Variants in HACE1 observed in about 807,000 individuals in gnomAD.
HACE1 encodes the protein HECT domain and ankyrin repeat containing E3 ubiquitin protein ligase 1.
A neutral mutation model predicts 118.4 loss-of-function variants in HACE1; 73 were observed. That is an observed-to-expected ratio of 0.62 (90% confidence interval 0.51 to 0.75). HACE1 has a LOEUF of 0.75. HACE1 is among the 30% of genes least tolerant of loss of function. The pLI, the probability that HACE1 is intolerant of heterozygous loss-of-function variation, is 0.00. For synonymous variants in HACE1, 368 were observed against 374.8 expected (o/e 0.98, Z 0.21); for missense variants, 749 against 1,102.2 (o/e 0.68, Z 4.54).
At chr6:104,733,016 T>C (rs1435931531) in intron 22 of HACE1, among the ~76,000 whole-genome samples, 2 of 152,144 alleles carry the variant, frequency 1.3e-5, no homozygotes, top group East Asian at 1.9e-4. Flanking sequence ...TCCTTGTAAG[T>C]TGAAATAAAA....
At chr6:104,745,264 G>A (rs761156470) in intron 20 of HACE1, among the ~76,000 whole-genome samples, 13 of 151,920 alleles carry the variant, frequency 8.6e-5, no homozygotes, top group Non-Finnish European at 1.0e-4. Flanking sequence ...AATCTCAATC[G>A]TATAAGTAAA....
At chr6:104,784,247 C>T in intron 13 of HACE1, 74 bp from the exon 14 acceptor site, 3 of 914,552 alleles carry the variant, frequency 3.3e-6, no homozygotes, top group Non-Finnish European at 5.5e-6. Context: ...TTCAGATACA[C>T]TGACACTGAA....
chr6:104,773,010 A>G (rs1780808151), intron 17 of HACE1, among the ~76,000 whole-genome samples: 1 of 152,250 alleles, frequency 6.6e-6, no homozygotes, highest in East Asian at 1.9e-4. Flanking sequence ...TGGTAAATTT[A>G]TATGTGTATT....
At chr6:104,751,955 C>CAAAA (rs397935188) in intron 19 of HACE1, among the ~76,000 whole-genome samples, 3,602 of 125,148 alleles carry the variant, frequency 0.029, 160 homozygotes, top group African/African-American at 0.096. Flanking sequence ...AAAAACCAAA[C>CAAAA]AAAAAAAAAA....
At chr6:104,757,824 A>G (rs1778893008) in intron 19 of HACE1, among the ~76,000 whole-genome samples, 1 of 152,234 alleles carries the variant, frequency 6.6e-6, no homozygotes, top group Admixed American at 6.5e-5. Context: ...ATGGCTAACT[A>G]GAATAACCAG....
chr6:104,776,047 T>C (rs1476687621), intron 17 of HACE1, among the ~76,000 whole-genome samples: 1 of 152,200 alleles, frequency 6.6e-6, no homozygotes, highest in Admixed American at 6.5e-5. Flanking sequence ...AATGAGGTGA[T>C]AACTAATTCC....
rs150610790 is a variant in HACE1 at position 104,792,525 on chromosome 6, A to G, written c.924-871T>C. 2.1e-4 allele frequency among the ~76,000 whole-genome samples: 32 copies of G among 152,296 alleles called. No homozygotes were observed. The East Asian group carries it at 5.0e-3, about 24-fold the overall frequency. The stretch of plus-strand genomic sequence containing the variant: ...ATGGTGGTTTTATTTTGAAATCTCT[A>G]ACATCAGTTATCTTGTATCACAAAT... On this transcript the variant is annotated intron_variant, in intron 10 of 23. Transcript: ENST00000262903.
chr6:104,832,135 T>C (rs1472453142), intron 6 of HACE1, among the ~76,000 whole-genome samples: 3 of 152,158 alleles, frequency 2.0e-5, no homozygotes, highest in Non-Finnish European at 1.5e-5. Flanking sequence ...ACCAGTGTCA[T>C]TGCTCACTTT....
intron 7 of HACE1, among the ~76,000 whole-genome samples, chr6:104,810,554 A>C (rs1371404860): frequency 6.6e-6 from 1 of 152,096 alleles, no homozygotes; most frequent in African/African-American, 2.4e-5. Flanking sequence ...TTTACATAAT[A>C]CATAATATGT....
intron 19 of HACE1, among the ~76,000 whole-genome samples, chr6:104,769,758 T>A (rs1181591383): frequency 6.6e-6 from 1 of 152,164 alleles, no homozygotes; most frequent in Non-Finnish European, 1.5e-5. Context: ...TGTCATTTCA[T>A]GTAAAATGAG....
chr6:104,845,293 T>C (rs1296753350), intron 4 of HACE1, among the ~76,000 whole-genome samples: 1 of 152,098 alleles, frequency 6.6e-6, no homozygotes, highest in East Asian at 1.9e-4. Context: ...CAATAAAACT[T>C]TGATTATTAA....
chr6:104,840,855 C>A (rs1289209813), intron 5 of HACE1, among the ~76,000 whole-genome samples: 1 of 152,186 alleles, frequency 6.6e-6, no homozygotes, highest in Admixed American at 6.5e-5. Flanking sequence ...CCCAGCTACT[C>A]AGGAGGCTGA....
At chr6:104,858,088 A>G (rs192304412) in intron 1 of HACE1, among the ~76,000 whole-genome samples, 155 of 152,288 alleles carry the variant, frequency 1.0e-3, no homozygotes, top group Admixed American at 2.2e-3. Context: ...GTGAAATGAC[A>G]TATTTTTTTC....
At chr6:104,773,290 T>C (rs762635810) in intron 17 of HACE1, among the ~76,000 whole-genome samples, 1 of 152,116 alleles carries the variant, frequency 6.6e-6, no homozygotes, top group Non-Finnish European at 1.5e-5. Flanking sequence ...GGTAGAAATG[T>C]ATTGGAAAGT....
intron 5 of HACE1, among the ~76,000 whole-genome samples, chr6:104,835,589 G>C (rs547539387): frequency 6.6e-6 from 1 of 152,024 alleles, no homozygotes; most frequent in South Asian, 2.1e-4. Context: ...AGTGTGAATA[G>C]GTCTAACATT....
intron 22 of HACE1, 61 bp downstream of exon 22, chr6:104,744,099 T>G: frequency 1.0e-6 from 1 of 962,228 alleles, no homozygotes; most frequent in Non-Finnish European, 1.7e-6. Context: ...TAGTTATCTC[T>G]AAGCCATTAA....
At chr6:104,857,300 A>C (rs949536534) in intron 1 of HACE1, among the ~76,000 whole-genome samples, 1 of 151,224 alleles carries the variant, frequency 6.6e-6, no homozygotes, top group African/African-American at 2.4e-5. Context: ...AGATAAATTA[A>C]ATTCAAGGAA....
chr6:104,765,010 C>T (rs576946824), intron 19 of HACE1, among the ~76,000 whole-genome samples: 5 of 152,196 alleles, frequency 3.3e-5, no homozygotes, highest in Non-Finnish European at 5.9e-5. Context: ...AATTACAATT[C>T]TGTTCACTGA....
chr6:104,737,475 C>T (rs889385905), intron 22 of HACE1, among the ~76,000 whole-genome samples: 11 of 152,068 alleles, frequency 7.2e-5, no homozygotes, highest in African/African-American at 1.4e-4. Context: ...GTGTGCGCAC[C>T]GTGCGCGAGC....
Sources: gnomAD v4.1 joint callset for allele counts (sites outside exome capture counted in the v4.1 genomes callset) on GRCh38, gnomAD v4.1.1 for gene constraint, MANE v1.5 for transcripts, NCBI Gene and HGNC (gene_info 2026-07-23, HGNC 2026-07-21) for gene names.